TDG: variants seen among roughly 807,000 people sequenced by gnomAD.
TDG encodes thymine DNA glycosylase.
In TDG, 23 loss-of-function variants were observed where a neutral mutation model predicts 46.1. The ratio of observed to expected loss-of-function variants is 0.50; its 90% CI spans 0.36 to 0.71. The LOEUF (loss-of-function observed/expected upper bound fraction) is 0.71. TDG is among the 30% of genes least tolerant of loss of function. The pLI, the probability that TDG is intolerant of heterozygous loss-of-function variation, is 0.00. For synonymous variants in TDG, 115 were observed against 161.3 expected, an observed-to-expected ratio of 0.71 and a Z score of 2.18; for missense variants, 304 against 486.7, an observed-to-expected ratio of 0.62 and a Z score of 3.53.
chr12:103,980,919 T>C lies in TDG; in HGVS notation c.435T>C (p.Ala145=). 6.2e-7 allele frequency: 1 copy of C among 1,613,750 alleles called. No individual in the cohort carries two copies. The change falls in exon 4 of 10, where the codon GCT becomes GCC. Residue 145 remains alanine, a synonymous_variant. Transcript: ENST00000392872. ...TTGGCATAAACCCGGGACTAATGGC[T>C]GCTTACAAAGGGCATCATTACCCTG... is the stretch of plus-strand genomic sequence containing the variant. ...VIIGINPGLM[A]AYKGHHYPGP...
At position 103,979,768 on chromosome 12, in the gene TDG, G is replaced by A. The variant is rs575559280; in HGVS notation, c.167-63G>A. 14 of 1,520,682 alleles carry A rather than the reference G, an allele frequency of 9.2e-6. No individual in the cohort carries two copies. In the African/African-American group the frequency reaches 2.0e-4, roughly 21 times the overall value. The allele number at this position is 1,520,682 out of a possible 1,614,324, so 94.2% of individuals were successfully genotyped here. ...AGGTGCTAGTTGGGTAACTTTTCTG[G>A]GAAAGCTGCTAAAGTTTCTAAGTTA... On this transcript the variant is annotated intron_variant, in intron 2 of 9. Coordinates refer to ENST00000392872, the MANE Select transcript of TDG (RefSeq NM_003211.6).
At chr12:103,985,425 G>A (rs574693905) in intron 8 of TDG, among the ~76,000 whole-genome samples, 178 bp from the exon 9 acceptor site, 8 of 152,022 alleles carry the variant, frequency 5.3e-5, no homozygotes, top group East Asian at 1.9e-4. Flanking sequence ...GAATGTAAGC[G>A]GTTTTTACAG....
intron 9 of TDG, among the ~76,000 whole-genome samples, chr12:103,985,975 A>T (rs538337822): frequency 3.3e-5 from 5 of 152,276 alleles, no homozygotes; most frequent in Non-Finnish European, 7.4e-5. Context: ...GCTAGAGTGC[A>T]GTGGCTCGAT....
Position 103,977,564 on chromosome 12 carries a change from G to C in TDG, c.166+504G>C, listed in dbSNP as rs4135088. On this transcript the variant is annotated intron_variant, in intron 2 of 9. Coordinates refer to ENST00000392872, the MANE Select transcript of TDG (RefSeq NM_003211.6). ...AGCAATTCTGTGTCCTTGGAGTCTG[G>C]GATATAACAAGGAAATGGTGAGAGG... Among the ~76,000 whole-genome samples, 421 of 152,268 alleles carry C rather than the reference G, an allele frequency of 2.8e-3. 2 individuals are homozygous for C. The highest frequency in any genetic ancestry group is 9.5e-3 in the African/African-American group (395 of 41,538).
At chr12:103,968,730 A>G (rs1382456406) in intron 1 of TDG, among the ~76,000 whole-genome samples, 1 of 152,228 alleles carries the variant, frequency 6.6e-6, no homozygotes, top group Non-Finnish European at 1.5e-5. Context: ...GGGACCTGGA[A>G]ATAAACACGT....
chr12:103,965,957 A>G lies in TDG; in HGVS notation c.-81A>G. ...CAGGTCTCTGGGGTTGTCTTACCGC[A>G]GTGAGTACCACGCGGTACTACAGAG... On this transcript the variant is annotated 5_prime_UTR_variant, in exon 1 of 10. Transcript: ENST00000392872. 6.5e-7 allele frequency: 1 copy of G among 1,532,486 alleles called. No individual in the cohort carries two copies. Among genetic ancestry groups the G allele is most frequent in the South Asian group, 1.2e-5 (1 of 84,218 alleles). 94.9% of individuals were successfully genotyped at this position (1,532,486 alleles called of 1,614,324 possible).
chr12:103,979,338 A>C (rs1816859505), intron 2 of TDG, among the ~76,000 whole-genome samples: 1 of 152,026 alleles, frequency 6.6e-6, no homozygotes, highest in Admixed American at 6.5e-5. Flanking sequence ...TCCTGACGTC[A>C]GGTGATCTGC....
rs370189213 is a variant in TDG at position 103,976,344 on chromosome 12, T to C, written c.24-574T>C. On this transcript the variant is annotated intron_variant, in intron 1 of 9. Transcript: ENST00000392872. ...CACTTGAGATCTCCCACCTCAGAAG[T>C]AACAGTGAACCAAGATCACACTACT... Among the ~76,000 whole-genome samples, 62 of 151,762 alleles carry C rather than the reference T, an allele frequency of 4.1e-4. 1 individual carries two copies. Among genetic ancestry groups the C allele is most frequent in the African/African-American group, 1.5e-3 (60 of 41,316 alleles).
intron 1 of TDG, among the ~76,000 whole-genome samples, chr12:103,973,925 TATTTA>T: frequency 6.6e-6 from 1 of 152,362 alleles, no homozygotes; most frequent in Admixed American, 6.5e-5. Flanking sequence ...ACTTTATTTT[TATTTA>T]ATTTGTGAAC....
At chr12:103,981,266 G>A (rs1346500072) in intron 4 of TDG, among the ~76,000 whole-genome samples, 10 of 98,382 alleles carry the variant, frequency 1.0e-4, no homozygotes, top group African/African-American at 2.1e-4. Context: ...ATGGAGTTTC[G>A]CTCTTTTTGC....
intron 7 of TDG, among the ~76,000 whole-genome samples, chr12:103,983,789 G>A (rs1472591053): frequency 6.6e-6 from 1 of 152,118 alleles, no homozygotes; most frequent in East Asian, 1.9e-4. Context: ...ATATATCTTA[G>A]CTCAACTTCA....
At chr12:103,974,672 G>A (rs937439661) in intron 1 of TDG, among the ~76,000 whole-genome samples, 3 of 152,048 alleles carry the variant, frequency 2.0e-5, no homozygotes, top group Admixed American at 6.6e-5. Context: ...GTATCTTGCA[G>A]TAGAAAACAT....
chr12:103,985,066 T>C (rs1179541789), intron 8 of TDG, 146 bp downstream of exon 8: 28 of 407,408 alleles, frequency 6.9e-5, no homozygotes, highest in Non-Finnish European at 8.5e-5. Flanking sequence ...TATACATGTG[T>C]ATATATACAT....
At chr12:103,986,676 G>A (rs956834201) in intron 9 of TDG, 8 of 282,154 alleles carry the variant, frequency 2.8e-5, no homozygotes, top group South Asian at 1.1e-4. Context: ...TCACACCACT[G>A]GACTCCAGCC....
chr12:103,983,276 T>C lies in TDG; in HGVS notation c.698-19T>C, dbSNP rs756031583. The stretch of plus-strand genomic sequence containing the variant: ...GCTAACATTATGGGCAATGTAAATA[T>C]GTTTGTATTTCATTTTAGGTATTTA... On this transcript the variant is annotated intron_variant, in intron 6 of 9. Transcript: ENST00000392872. 1 of 1,571,390 alleles carries C rather than the reference T, an allele frequency of 6.4e-7. No individual in the cohort carries two copies. The highest frequency in any genetic ancestry group is 8.6e-7 in the Non-Finnish European group (1 of 1,163,104).
At chr12:103,985,059 A>G (rs1198615831) in intron 8 of TDG, 139 bp downstream of exon 8, 4 of 449,100 alleles carry the variant, frequency 8.9e-6, no homozygotes, top group East Asian at 6.2e-5. Context: ...GTGTATATAT[A>G]CATGTGTATA....
rs765594904 is a variant in TDG at position 103,966,069 on chromosome 12, G to C, written c.23+9G>C. 61 of 1,563,410 alleles carry C rather than the reference G, an allele frequency of 3.9e-5. No homozygotes were observed. The African/African-American group carries it at 5.8e-4, about 15-fold the overall frequency. The stretch of plus-strand genomic sequence containing the variant: ...GCGGAGAACGCGGGCAGGTAATACC[G>C]GGGCCAGCGCCGCCCCTCCCTTGCG... On this transcript the variant is annotated intron_variant, in intron 1 of 9. Coordinates refer to ENST00000392872, the MANE Select transcript of TDG (RefSeq NM_003211.6).
Position 103,980,943 on chromosome 12 carries a change from T to C in TDG, c.459T>C (p.Pro153=). 6.2e-7 allele frequency: 1 copy of C among 1,613,350 alleles called. No homozygotes were observed. Among genetic ancestry groups the C allele is most frequent in the Non-Finnish European group, 8.5e-7 (1 of 1,179,902 alleles). ...CTGCTTACAAAGGGCATCATTACCC[T>C]GGACCTGGAAACCATTTTTGTAAGT... is the stretch of plus-strand genomic sequence containing the variant. ...LMAAYKGHHY[P]GPGNHFWKCL... The change falls in exon 4 of 10, where the codon CCT becomes CCC. Residue 153 remains proline, a synonymous_variant. Coordinates refer to ENST00000392872, the MANE Select transcript of TDG (RefSeq NM_003211.6).
At chr12:103,976,408 CCACACACACACACA>C (rs144717913) in intron 1 of TDG, among the ~76,000 whole-genome samples, 2 of 147,448 alleles carry the variant, frequency 1.4e-5, no homozygotes, top group South Asian at 2.2e-4. Context: ...CCCTGTCTCC[CCACACACACACACA>C]CACACACACA....
Sources: gnomAD v4.1 joint callset for allele counts (sites outside exome capture counted in the v4.1 genomes callset) on GRCh38, gnomAD v4.1.1 for gene constraint, MANE v1.5 for transcripts, NCBI Gene and HGNC (gene_info 2026-07-23, HGNC 2026-07-21) for gene names.